The following CNTNAP2 variants were observed in gnomAD, a reference collection of about 807,000 sequenced individuals.
CNTNAP2 encodes the protein contactin associated protein 2, also known as contactin-associated protein-like 2.
In CNTNAP2, 98 loss-of-function variants were observed where a neutral mutation model predicts 155.2. That is an observed-to-expected ratio of 0.63 (90% confidence interval 0.54 to 0.75). CNTNAP2 has a LOEUF of 0.75. Among genes scored for constraint, CNTNAP2 ranks in the 30% least tolerant of loss-of-function variants. CNTNAP2 has a pLI of 0.00. For synonymous variants in CNTNAP2, 651 were observed against 631.2 expected (o/e 1.03, Z -0.47); for missense variants, 1,727 against 1,688.1 (o/e 1.02, Z -0.40).
chr7:146,402,397 C>T (rs193047404), intron 1 of CNTNAP2, among the ~76,000 whole-genome samples: 2 of 152,182 alleles, frequency 1.3e-5, no homozygotes, highest in Non-Finnish European at 2.9e-5. Flanking sequence ...CTGCTTGGTT[C>T]AGGGACCAGA....
chr7:146,441,509 C>G (rs1341054912), intron 1 of CNTNAP2, among the ~76,000 whole-genome samples: 1 of 151,500 alleles, frequency 6.6e-6, no homozygotes, highest in Non-Finnish European at 1.5e-5. Context: ...TGATTACATG[C>G]ATGGCCATGG....
intron 15 of CNTNAP2, among the ~76,000 whole-genome samples, chr7:148,097,902 G>A (rs529164261): frequency 6.6e-6 from 1 of 152,230 alleles, no homozygotes; most frequent in Admixed American, 6.5e-5. Context: ...TTTTATCCTA[G>A]GTCAGGATAA....
intron 9 of CNTNAP2, among the ~76,000 whole-genome samples, chr7:147,305,409 T>C (rs1468798662): frequency 6.6e-6 from 1 of 152,170 alleles, no homozygotes; most frequent in Non-Finnish European, 1.5e-5. Flanking sequence ...TTCTTAGTGA[T>C]GGAATACACT....
chr7:146,618,262 C>T (rs1216000861), intron 1 of CNTNAP2, among the ~76,000 whole-genome samples: 2 of 152,056 alleles, frequency 1.3e-5, no homozygotes, highest in Admixed American at 1.3e-4. Flanking sequence ...GGTTCAATAC[C>T]TTTGAATCTC....
chr7:146,595,480 TATAC>T (rs1798846791), intron 1 of CNTNAP2, among the ~76,000 whole-genome samples: 1 of 152,080 alleles, frequency 6.6e-6, no homozygotes, highest in Non-Finnish European at 1.5e-5. Context: ...ACTTAAAGCT[TATAC>T]CTCCAGTGGC....
chr7:148,361,425 A>G (rs9648690), intron 21 of CNTNAP2, among the ~76,000 whole-genome samples: 50,334 of 151,966 alleles, frequency 0.33, 9,985 homozygotes, highest in East Asian at 0.64. Context: ...ATCCTCTCAC[A>G]GTTCCGGAGC....
At chr7:146,219,017 G>A (rs1032994939) in intron 1 of CNTNAP2, among the ~76,000 whole-genome samples, 1 of 152,146 alleles carries the variant, frequency 6.6e-6, no homozygotes, top group African/African-American at 2.4e-5. Flanking sequence ...AGGTCCACAT[G>A]GTTGGGGAGG....
chr7:147,659,153 G>A (rs1480879653), intron 13 of CNTNAP2, among the ~76,000 whole-genome samples: 1 of 152,120 alleles, frequency 6.6e-6, no homozygotes, highest in Admixed American at 6.5e-5. Context: ...AAATCTGGGT[G>A]GACTCAGAAG....
intron 18 of CNTNAP2, among the ~76,000 whole-genome samples, chr7:148,179,049 T>G (rs1375269825): frequency 6.6e-6 from 1 of 152,212 alleles, no homozygotes; most frequent in Admixed American, 6.5e-5. Flanking sequence ...CTGAGAAGTA[T>G]GCAGAGATTC....
At chr7:147,127,422 T>TC (rs908207330) in intron 6 of CNTNAP2, among the ~76,000 whole-genome samples, 1 of 151,970 alleles carries the variant, frequency 6.6e-6, no homozygotes, top group South Asian at 2.1e-4. Flanking sequence ...AATTTGTGTT[T>TC]CCCCCCCTAA....
chr7:147,887,804 T>C (rs950114385), intron 13 of CNTNAP2, among the ~76,000 whole-genome samples: 2 of 152,124 alleles, frequency 1.3e-5, no homozygotes, highest in African/African-American at 4.8e-5. Context: ...AAGAAGATAA[T>C]GTAAAAATTT....
At chr7:146,821,937 A>G (rs1349963573) in intron 2 of CNTNAP2, among the ~76,000 whole-genome samples, 1 of 151,606 alleles carries the variant, frequency 6.6e-6, no homozygotes. Flanking sequence ...ATCTAGAACT[A>G]GAAATACCAT....
intron 1 of CNTNAP2, among the ~76,000 whole-genome samples, chr7:146,610,125 T>C (rs1799109882): frequency 6.6e-6 from 1 of 152,210 alleles, no homozygotes; most frequent in Non-Finnish European, 1.5e-5. Flanking sequence ...TTGAGAAAGC[T>C]TGAGAATCAC....
intron 18 of CNTNAP2, among the ~76,000 whole-genome samples, chr7:148,187,908 A>G (rs908949940): frequency 1.3e-5 from 2 of 152,112 alleles, no homozygotes; most frequent in African/African-American, 2.4e-5. Flanking sequence ...AATCAACCAT[A>G]TGAATAAAAA....
chr7:147,769,138 A>G (rs1362953397), intron 13 of CNTNAP2, among the ~76,000 whole-genome samples: 2 of 152,200 alleles, frequency 1.3e-5, no homozygotes, highest in Non-Finnish European at 2.9e-5. Context: ...AAGATTTTAT[A>G]TGATTCAGTT....
chr7:147,298,852 G>A (rs1794888238), intron 8 of CNTNAP2, among the ~76,000 whole-genome samples: 1 of 152,104 alleles, frequency 6.6e-6, no homozygotes, highest in Non-Finnish European at 1.5e-5. Flanking sequence ...CAACCATTTA[G>A]AAAAGTAAAA....
chr7:146,351,022 C>A (rs1329855098), intron 1 of CNTNAP2, among the ~76,000 whole-genome samples: 2 of 100,294 alleles, frequency 2.0e-5, no homozygotes, highest in South Asian at 3.3e-4. Context: ...CACTCTGGGG[C>A]TTGTTGTGGG....
At chr7:147,150,721 C>G (rs1161699240) in intron 8 of CNTNAP2, among the ~76,000 whole-genome samples, 3 of 152,074 alleles carry the variant, frequency 2.0e-5, no homozygotes, top group South Asian at 2.1e-4. Flanking sequence ...TTGTTCAACC[C>G]CTTCCTCCCC....
intron 8 of CNTNAP2, among the ~76,000 whole-genome samples, chr7:147,171,091 C>T (rs1302587047): frequency 3.3e-5 from 5 of 152,188 alleles, no homozygotes; most frequent in Non-Finnish European, 7.3e-5. Context: ...CCAGCTCAAA[C>T]ATCCATTGGG....
Sources: allele counts gnomAD v4.1 joint callset (sites outside exome capture counted in the v4.1 genomes callset), GRCh38; gene constraint gnomAD v4.1.1; transcripts MANE v1.5; gene names NCBI Gene and HGNC (gene_info 2026-07-23, HGNC 2026-07-21).